METTL15: variants seen among roughly 807,000 people sequenced by gnomAD.
The protein encoded by METTL15 is 12S rRNA N(4)-cytidine methyltransferase METTL15.
A neutral mutation model predicts 38.3 loss-of-function variants in METTL15; 34 were observed. That is an observed-to-expected ratio of 0.89 (90% confidence interval 0.68 to 1.18). The LOEUF (loss-of-function observed/expected upper bound fraction) is 1.18, where lower values mean the gene tolerates loss of function less well. METTL15 is among the 50% of genes most tolerant of loss of function. METTL15 has a pLI of 0.00. For synonymous variants in METTL15, 162 were observed against 170.9 expected (o/e 0.95, Z 0.41); for missense variants, 438 against 498.4 (o/e 0.88, Z 1.15).
At chr11:28,111,112 A>G (rs1851699138) in intron 2 of METTL15, among the ~76,000 whole-genome samples, 1 of 152,200 alleles carries the variant, frequency 6.6e-6, no homozygotes. Context: ...CAAGAGGCAA[A>G]TGAACTATTT....
At chr11:28,500,155 A>G (rs1470383418) in intron 6 of METTL15, among the ~76,000 whole-genome samples, 2 of 152,074 alleles carry the variant, frequency 1.3e-5, no homozygotes, top group Non-Finnish European at 2.9e-5. Context: ...GGATACACAC[A>G]ATGACTAAAT....
At chr11:28,493,955 A>G (rs986964353) in intron 6 of METTL15, among the ~76,000 whole-genome samples, 1 of 152,244 alleles carries the variant, frequency 6.6e-6, no homozygotes, top group African/African-American at 2.4e-5. Flanking sequence ...CTGGCATGAA[A>G]CTAGGATTAG....
chr11:28,370,489 C>T (rs1850232080), intron 5 of METTL15, among the ~76,000 whole-genome samples: 1 of 151,814 alleles, frequency 6.6e-6, no homozygotes, highest in Middle Eastern at 3.4e-3. Context: ...TGTATTTTGT[C>T]TATTCTGAAT....
chr11:28,210,220 A>T (rs952071195), intron 3 of METTL15, among the ~76,000 whole-genome samples: 12 of 152,002 alleles, frequency 7.9e-5, no homozygotes, highest in African/African-American at 2.7e-4. Context: ...GCATTGAGTG[A>T]TTTGTACTTA....
chr11:28,284,921 A>G (rs1486548643), intron 4 of METTL15, among the ~76,000 whole-genome samples: 1 of 152,106 alleles, frequency 6.6e-6, no homozygotes, highest in Non-Finnish European at 1.5e-5. Context: ...CTCACCTCAA[A>G]TTGTAATCTC....
chr11:28,517,984 A>T (rs1051138373), intron 6 of METTL15, among the ~76,000 whole-genome samples: 2 of 152,232 alleles, frequency 1.3e-5, no homozygotes, highest in African/African-American at 4.8e-5. Context: ...ACAGAAACAC[A>T]TTCCTCATCT....
At chr11:28,229,851 G>A (rs572112397) in intron 4 of METTL15, among the ~76,000 whole-genome samples, 38 of 152,070 alleles carry the variant, frequency 2.5e-4, no homozygotes, top group African/African-American at 9.2e-4. Context: ...TTTAACCCCA[G>A]ACTTACTTTT....
intron 3 of METTL15, among the ~76,000 whole-genome samples, chr11:28,150,515 A>T (rs1850043481): frequency 6.6e-6 from 1 of 151,962 alleles, no homozygotes; most frequent in African/African-American, 2.4e-5. Flanking sequence ...AAAGGAGAAA[A>T]GGTGAGGATA....
rs1020085585 is a variant in METTL15 at position 28,147,963 on chromosome 11, T to C, written c.270+34359T>C. 3.3e-5 allele frequency among the ~76,000 whole-genome samples: 5 copies of C among 151,832 alleles called. No individual in the cohort carries two copies. In the South Asian group the frequency reaches 8.3e-4, roughly 25 times the overall value. ...GGGTTACTTGGTTTTTTACCTACAA[T>C]TGAGTATTACCAGTTAGAGTCTAAA... On this transcript the variant is annotated intron_variant, in intron 3 of 6. Transcript: ENST00000407364.
intron 5 of METTL15, among the ~76,000 whole-genome samples, chr11:28,398,202 C>T (rs988713896): frequency 6.6e-6 from 1 of 151,432 alleles, no homozygotes; most frequent in African/African-American, 2.4e-5. Context: ...ACATGTACCC[C>T]AGAACTTAAA....
intron 6 of METTL15, among the ~76,000 whole-genome samples, chr11:28,466,867 A>T (rs1564939416): frequency 6.6e-6 from 1 of 152,206 alleles, no homozygotes; most frequent in Non-Finnish European, 1.5e-5. Flanking sequence ...TGTCTGGGCA[A>T]CACATGTAGA....
intron 4 of METTL15, among the ~76,000 whole-genome samples, chr11:28,267,074 C>T (rs188151793): frequency 1.3e-5 from 2 of 150,136 alleles, no homozygotes; most frequent in East Asian, 2.0e-4. Context: ...ACAGGAAAAT[C>T]GCTTGAACCC....
At chr11:28,293,942 T>C (rs1856627637) in intron 5 of METTL15, among the ~76,000 whole-genome samples, 1 of 152,196 alleles carries the variant, frequency 6.6e-6, no homozygotes, top group Non-Finnish European at 1.5e-5. Flanking sequence ...CCTATCAGCT[T>C]AAGGAGATTT....
chr11:28,226,948 A>G (rs962267859), intron 4 of METTL15, among the ~76,000 whole-genome samples: 4 of 151,900 alleles, frequency 2.6e-5, no homozygotes, highest in African/African-American at 9.7e-5. Context: ...AAAATTATCT[A>G]AACCATTTTG....
At chr11:28,381,145 G>A (rs1850378991) in intron 5 of METTL15, among the ~76,000 whole-genome samples, 1 of 152,094 alleles carries the variant, frequency 6.6e-6, no homozygotes, top group Non-Finnish European at 1.5e-5. Flanking sequence ...TGTGACTACA[G>A]GCATGTGCTT....
rs1351412718 is a variant in METTL15, at chr11:28,194,205, C to CTA, written c.271-16856_271-16855insAT. 4.8e-5 allele frequency among the ~76,000 whole-genome samples: 5 copies of CTA among 104,494 alleles called. 1 individual carries two copies. The highest frequency in any genetic ancestry group is 9.8e-5 in the Non-Finnish European group (5 of 50,802). The allele number at this position is 104,494 out of a possible 152,430, so 68.6% of individuals were successfully genotyped here. ...CTCTCTCTCTCTCCTCTCTCTCTCT[C>CTA]TCTCTCTTAATATATGGAGTTTTGC... is the stretch of plus-strand genomic sequence containing the variant. On this transcript the variant is annotated intron_variant, in intron 3 of 6. Transcript: ENST00000407364.
chr11:28,117,717 G>A (rs1852035261), intron 3 of METTL15, among the ~76,000 whole-genome samples: 1 of 152,218 alleles, frequency 6.6e-6, no homozygotes, highest in South Asian at 2.1e-4. Context: ...GGTACACTTA[G>A]AGACAATGTT....
At chr11:28,170,127 C>T (rs1054138107) in intron 3 of METTL15, among the ~76,000 whole-genome samples, 1 of 152,056 alleles carries the variant, frequency 6.6e-6, no homozygotes, top group Admixed American at 6.6e-5. Flanking sequence ...TCAGATTTTC[C>T]AGAGAATTCT....
At chr11:28,479,095 G>GTGTGTA (rs1005384676) in intron 6 of METTL15, among the ~76,000 whole-genome samples, 3 of 138,528 alleles carry the variant, frequency 2.2e-5, no homozygotes, top group African/African-American at 7.9e-5. Context: ...GTGTGTGTGT[G>GTGTGTA]TTTGCTTTTG....
Sources: gnomAD v4.1 joint callset for allele counts (sites outside exome capture counted in the v4.1 genomes callset) on GRCh38, gnomAD v4.1.1 for gene constraint, MANE v1.5 for transcripts, NCBI Gene and HGNC (gene_info 2026-07-23, HGNC 2026-07-21) for gene names.